Variants in ATG4C observed in about 807,000 individuals in gnomAD.
ATG4C encodes the protein autophagy related 4C cysteine peptidase.
Under a neutral mutation model 57.6 loss-of-function variants are expected in ATG4C, and 56 were observed. The ratio of observed to expected loss-of-function variants is 0.97; its 90% confidence interval spans 0.78 to 1.21. The LOEUF is 1.21. ATG4C is among the 50% of genes most tolerant of loss of function. The pLI is 0.00. For missense variants in ATG4C, 595 were observed against 529.8 expected (o/e 1.12, Z -1.21); for synonymous variants, 157 against 174.1 (o/e 0.90, Z 0.78).
chr1:62,785,758 A>C (rs1017942204), intron 1 of ATG4C, among the ~76,000 whole-genome samples: 7 of 152,184 alleles, frequency 4.6e-5, no homozygotes, highest in Admixed American at 4.6e-4. Context: ...TATAAATATT[A>C]ATACTGGTAC....
intron 9 of ATG4C, 70 bp downstream of exon 9, chr1:62,834,922 A>G: frequency 7.7e-7 from 1 of 1,294,812 alleles, no homozygotes; most frequent in African/African-American, 1.5e-5. Flanking sequence ...GAGATGTGCT[A>G]GGTAGCTATG....
intron 5 of ATG4C, 129 bp from the exon 6 acceptor site, chr1:62,821,010 G>C: frequency 1.7e-6 from 1 of 586,290 alleles, no homozygotes; most frequent in Admixed American, 3.3e-5. Flanking sequence ...AATAGTTTTT[G>C]ACAGCAGACA....
intron 10 of ATG4C, among the ~76,000 whole-genome samples, chr1:62,848,249 C>G (rs186984747): frequency 2.0e-5 from 3 of 152,204 alleles, no homozygotes; most frequent in Admixed American, 2.0e-4. Context: ...TTAAATGTTC[C>G]TCTATCTCTT....
At chr1:62,834,325 C>A (rs1172393795) in intron 8 of ATG4C, among the ~76,000 whole-genome samples, 2 of 152,012 alleles carry the variant, frequency 1.3e-5, no homozygotes, top group African/African-American at 4.8e-5. Flanking sequence ...ACTGCATAAA[C>A]AAGGCATAAT....
intron 10 of ATG4C, among the ~76,000 whole-genome samples, chr1:62,843,703 C>T (rs1252982204): frequency 6.6e-6 from 1 of 152,100 alleles, no homozygotes; most frequent in Non-Finnish European, 1.5e-5. Context: ...CAGTGTTTAG[C>T]AGAATTCAGT....
intron 6 of ATG4C, among the ~76,000 whole-genome samples, chr1:62,825,187 G>T (rs1237379735): frequency 1.4e-5 from 2 of 146,936 alleles, no homozygotes; most frequent in Non-Finnish European, 3.0e-5. Flanking sequence ...AGTGAACCAA[G>T]ATCGTGCCAC....
chr1:62,846,551 C>T (rs575223986), intron 10 of ATG4C, among the ~76,000 whole-genome samples: 2 of 152,240 alleles, frequency 1.3e-5, no homozygotes, highest in East Asian at 1.9e-4. Flanking sequence ...ATCTGGCGTA[C>T]GTTTCCAAAA....
At position 62,838,748 on chromosome 1, in the gene ATG4C, C is replaced by T. The variant is rs377293783; in HGVS notation, c.1090-2680C>T. ...TGAGCAGAGATCGCACCACTGCACTCCAGCCTGGGCGACAAGAGTGAAACT... is the reference window on the plus strand; with the variant it reads ...TGAGCAGAGATCGCACCACTGCACTTCAGCCTGGGCGACAAGAGTGAAACT... On this transcript the variant is annotated intron_variant, in intron 9 of 10. Transcript: ENST00000317868. Among the ~76,000 whole-genome samples, 398 of 151,536 alleles carry T rather than the reference C, an allele frequency of 2.6e-3. 5 individuals are homozygous for T. Among genetic ancestry groups the T allele is most frequent in the African/African-American group, 9.3e-3 (383 of 41,248 alleles).
intron 10 of ATG4C, among the ~76,000 whole-genome samples, chr1:62,844,340 G>C (rs1004943843): frequency 1.3e-5 from 2 of 152,088 alleles, no homozygotes; most frequent in African/African-American, 4.8e-5. Context: ...ACATTAACTG[G>C]CATATTAAAT....
chr1:62,828,412 C>CT (rs1322571442), intron 6 of ATG4C, among the ~76,000 whole-genome samples: 1 of 152,074 alleles, frequency 6.6e-6, no homozygotes, highest in Non-Finnish European at 1.5e-5. Flanking sequence ...TGGTATTGAG[C>CT]TTTTTTTAAT....
chr1:62,819,070 G>T lies in ATG4C; in HGVS notation c.460G>T (p.Val154Phe), dbSNP rs1367846250. 6.2e-7 allele frequency: 1 copy of T among 1,607,418 alleles called. No individual in the cohort carries two copies. The highest frequency in any genetic ancestry group is 2.2e-5 in the East Asian group (1 of 44,850). ...SDSESWTSHT[V>F]KKFTASFEAS... ...CTCTGAATCATGGACTTCCCACACTGTCAAAAAATTTACTGCATCATTTGA... is the reference window on the plus strand; with the variant it reads ...CTCTGAATCATGGACTTCCCACACTTTCAAAAAATTTACTGCATCATTTGA... Residue 154 changes from valine to phenylalanine, a missense_variant, in exon 5 of 11, where the codon GTC becomes TTC. Physicochemically the swap from Val to Phe is conservative, Grantham distance 50. Transcript: ENST00000317868.
chr1:62,826,883 A>G (rs951723085), intron 6 of ATG4C, among the ~76,000 whole-genome samples: 1 of 152,088 alleles, frequency 6.6e-6, no homozygotes, highest in Admixed American at 6.6e-5. Context: ...CATAATGGAA[A>G]GCCACCATCA....
At chr1:62,788,830 C>T (rs1664172179) in intron 1 of ATG4C, among the ~76,000 whole-genome samples, 1 of 152,042 alleles carries the variant, frequency 6.6e-6, no homozygotes, top group Non-Finnish European at 1.5e-5. Context: ...TTTTTCCTCA[C>T]AATGAGTTTC....
rs868788501 is a variant in ATG4C, at chr1:62,814,532, G to A, written c.161-2043G>A. ...ATGGATGCAGCAAACCCCATGGCATGTGTATACCTATGTAACAAACCTGCA... is the reference window on the plus strand; with the variant it reads ...ATGGATGCAGCAAACCCCATGGCATATGTATACCTATGTAACAAACCTGCA... On this transcript the variant is annotated intron_variant, in intron 3 of 10. Coordinates refer to ENST00000317868, the MANE Select transcript of ATG4C (RefSeq NM_032852.4). 3.9e-5 allele frequency among the ~76,000 whole-genome samples: 6 copies of A among 152,244 alleles called. No individual in the cohort carries two copies. In the South Asian group the frequency reaches 8.3e-4, roughly 21 times the overall value.
chr1:62,825,882 CTTAT>C lies in ATG4C; in HGVS notation c.797-3153_797-3150del, dbSNP rs534498077. Among the ~76,000 whole-genome samples the C allele has an allele frequency of 2.2e-3, 341 of 152,118 alleles. 3 individuals are homozygous for C. The highest frequency in any genetic ancestry group is 2.8e-3 in the Non-Finnish European group (187 of 67,982). On this transcript the variant is annotated intron_variant, in intron 6 of 10. Transcript: ENST00000317868. ...CACATCTTACATTTAATAGTGAGTC[CTTAT>C]TTATCTTCAGATACATGAACTGATC...
At chr1:62,841,017 T>C (rs1666149818) in intron 9 of ATG4C, among the ~76,000 whole-genome samples, 1 of 152,246 alleles carries the variant, frequency 6.6e-6, no homozygotes, top group African/African-American at 2.4e-5. Flanking sequence ...TCGATATCCT[T>C]GTTAAAAGGT....
chr1:62,834,858 G>A lies in ATG4C; in HGVS notation c.1089+6G>A. On this transcript the variant is annotated splice_donor_region_variant and intron_variant, in intron 9 of 10. Coordinates refer to ENST00000317868, the MANE Select transcript of ATG4C (RefSeq NM_032852.4). ...TAAAGGATTTCCCTCTTGAGGTACT[G>A]TGGATAAAAAGCTGATACTGTTTTC... is the stretch of plus-strand genomic sequence containing the variant. 1 of 1,608,642 alleles carries A rather than the reference G, an allele frequency of 6.2e-7. No individual in the cohort carries two copies. The highest frequency in any genetic ancestry group is 8.5e-7 in the Non-Finnish European group (1 of 1,175,902).
intron 7 of ATG4C, among the ~76,000 whole-genome samples, chr1:62,831,982 A>G (rs1190322206): frequency 2.0e-5 from 3 of 152,148 alleles, no homozygotes; most frequent in Non-Finnish European, 4.4e-5. Flanking sequence ...TCACTGCCTC[A>G]CAGGTCTCTA....
intron 1 of ATG4C, among the ~76,000 whole-genome samples, chr1:62,801,687 A>G (rs1386760120): frequency 6.8e-6 from 1 of 146,150 alleles, no homozygotes; most frequent in Non-Finnish European, 1.5e-5. Context: ...AGGCCGGCGC[A>G]GTGGCTCACG....
Sources: allele counts gnomAD v4.1 joint callset (sites outside exome capture counted in the v4.1 genomes callset), GRCh38; gene constraint gnomAD v4.1.1; transcripts MANE v1.5; gene names NCBI Gene and HGNC (gene_info 2026-07-23, HGNC 2026-07-21).